The following AKAP19 variants were observed in gnomAD, a reference collection of about 807,000 sequenced individuals.
AKAP19 encodes the protein A-kinase anchoring protein 19.
At chr2:189,981,727 A>G in the AKAP19 span, among the ~76,000 whole-genome samples, 3 of 152,174 alleles carry the variant, frequency 2.0e-5, no homozygotes, top group Non-Finnish European at 4.4e-5. Flanking sequence ...CTTGTCTGAG[A>G]AAGACTTTAT....
chr2:190,099,817 G>A, the AKAP19 span, among the ~76,000 whole-genome samples: 2 of 152,164 alleles, frequency 1.3e-5, no homozygotes, highest in African/African-American at 4.8e-5. Context: ...GATATAACAT[G>A]AGCTGATGGG....
At chr2:189,906,805 T>TA in the AKAP19 span, among the ~76,000 whole-genome samples, 3 of 151,812 alleles carry the variant, frequency 2.0e-5, no homozygotes, top group South Asian at 2.1e-4. Flanking sequence ...TTTACAAGCA[T>TA]AAAAAAAACC....
the AKAP19 span, among the ~76,000 whole-genome samples, chr2:189,910,662 G>T: frequency 6.6e-6 from 1 of 151,120 alleles, no homozygotes; most frequent in African/African-American, 2.4e-5. Flanking sequence ...ATATTTTTTT[G>T]CTGATAATCA....
the AKAP19 span, among the ~76,000 whole-genome samples, chr2:189,943,618 G>A: frequency 6.6e-6 from 1 of 152,214 alleles, no homozygotes; most frequent in South Asian, 2.1e-4. Flanking sequence ...CCCCAGAATG[G>A]TAAATCCACC....
the AKAP19 span, among the ~76,000 whole-genome samples, chr2:190,064,311 G>A: frequency 3.9e-5 from 6 of 152,078 alleles, 1 homozygote; most frequent in East Asian, 1.2e-3. Context: ...TGGCTTCTAA[G>A]GTTTTATTTG....
At chr2:190,106,134 C>T in the AKAP19 span, among the ~76,000 whole-genome samples, 1 of 152,168 alleles carries the variant, frequency 6.6e-6, no homozygotes, top group African/African-American at 2.4e-5. Flanking sequence ...ATTTATAAGG[C>T]ATGTGAGACA....
At chr2:189,978,117 G>C in the AKAP19 span, among the ~76,000 whole-genome samples, 1 of 152,130 alleles carries the variant, frequency 6.6e-6, no homozygotes, top group Admixed American at 6.5e-5. Flanking sequence ...TACACTCAGA[G>C]GTACATGTGC....
the AKAP19 span, among the ~76,000 whole-genome samples, chr2:189,992,630 A>G: frequency 3.9e-5 from 6 of 152,204 alleles, no homozygotes; most frequent in African/African-American, 1.2e-4. Flanking sequence ...CATTTTCACA[A>G]TACTGATTCT....
the AKAP19 span, among the ~76,000 whole-genome samples, chr2:189,893,649 G>A: frequency 4.0e-5 from 6 of 149,020 alleles, no homozygotes; most frequent in East Asian, 1.0e-3. Flanking sequence ...CTGCAGACCA[G>A]AGCTGTTCCT....
chr2:190,153,096 C>T, the AKAP19 span, among the ~76,000 whole-genome samples: 11 of 152,062 alleles, frequency 7.2e-5, no homozygotes, highest in Non-Finnish European at 1.2e-4. Flanking sequence ...GGGGTTTCAC[C>T]GTGTTAGCTA....
At chr2:189,913,694 T>A in the AKAP19 span, among the ~76,000 whole-genome samples, 1 of 152,122 alleles carries the variant, frequency 6.6e-6, no homozygotes, top group Non-Finnish European at 1.5e-5. Context: ...CATAGTGAAT[T>A]TGATACAGTG....
At chr2:190,070,727 A>G in the AKAP19 span, among the ~76,000 whole-genome samples, 1 of 151,374 alleles carries the variant, frequency 6.6e-6, no homozygotes, top group East Asian at 1.9e-4. Context: ...ATATTTTTAG[A>G]TGACACATGA....
At chr2:190,168,990 C>T in the AKAP19 span, among the ~76,000 whole-genome samples, 17 of 152,184 alleles carry the variant, frequency 1.1e-4, no homozygotes, top group Admixed American at 5.9e-4. Context: ...AGCAGTGCCC[C>T]ATTCTACTGG....
At chr2:190,190,253 CACT>C in the AKAP19 span, among the ~76,000 whole-genome samples, 1 of 152,154 alleles carries the variant, frequency 6.6e-6, no homozygotes, top group Admixed American at 6.5e-5. Flanking sequence ...CAAAGGGAAT[CACT>C]ACTATGATTT....
At chr2:190,058,795 G>A in the AKAP19 span, among the ~76,000 whole-genome samples, 2 of 151,920 alleles carry the variant, frequency 1.3e-5, no homozygotes, top group Admixed American at 6.6e-5. Flanking sequence ...TAAGCTATGC[G>A]TACGCAAAGA....
At chr2:190,007,783 A>C in the AKAP19 span, among the ~76,000 whole-genome samples, 1 of 152,144 alleles carries the variant, frequency 6.6e-6, no homozygotes, top group Non-Finnish European at 1.5e-5. Context: ...CAACATGGTG[A>C]AACCCTTTCT....
At chr2:190,041,430 G>A in the AKAP19 span, among the ~76,000 whole-genome samples, 1 of 152,278 alleles carries the variant, frequency 6.6e-6, no homozygotes, top group African/African-American at 2.4e-5. Flanking sequence ...AAGACTATGA[G>A]ATTTTCTAGA....
the AKAP19 span, among the ~76,000 whole-genome samples, chr2:189,967,241 G>T: frequency 0.61 from 92,047 of 152,082 alleles, 31,427 homozygotes; most frequent in South Asian, 0.78. Flanking sequence ...AGAAACCTGG[G>T]TTCCTGGATA....
the AKAP19 span, among the ~76,000 whole-genome samples, chr2:190,010,892 C>A: frequency 6.6e-6 from 1 of 151,992 alleles, no homozygotes; most frequent in Non-Finnish European, 1.5e-5. Flanking sequence ...CTTTGACCAA[C>A]ATCTCAGTTT....
Sources: gnomAD v4.1 joint callset for allele counts (sites outside exome capture counted in the v4.1 genomes callset) on GRCh38, gnomAD v4.1.1 for gene constraint, MANE v1.5 for transcripts, NCBI Gene and HGNC (gene_info 2026-07-23, HGNC 2026-07-21) for gene names.